CKAP5: variants seen among roughly 807,000 people sequenced by gnomAD.
CKAP5 encodes cytoskeleton-associated protein 5.
Under a neutral mutation model 232.8 loss-of-function variants are expected in CKAP5, and 27 were observed. The observed-to-expected ratio is 0.12, with a 90% CI of 0.09 to 0.16. The LOEUF (loss-of-function observed/expected upper bound fraction) is 0.16, where lower values mean the gene tolerates loss of function less well. CKAP5 is among the 10% of genes least tolerant of loss of function. CKAP5 has a pLI of 1.00. For missense variants in CKAP5, 1,838 were observed against 2,424.7 expected (o/e 0.76, Z 5.08); for synonymous variants, 785 against 841.1 (o/e 0.93, Z 1.16).
chr11:46,794,261 T>C (rs778419481), intron 13 of CKAP5, among the ~76,000 whole-genome samples: 3 of 151,704 alleles, frequency 2.0e-5, no homozygotes, highest in Non-Finnish European at 4.4e-5. Flanking sequence ...GTTTGAGACC[T>C]GCCTGGGCAA....
chr11:46,844,643 T>A (rs986515146), intron 1 of CKAP5, among the ~76,000 whole-genome samples: 70 of 152,108 alleles, frequency 4.6e-4, no homozygotes, highest in Non-Finnish European at 6.8e-4. Flanking sequence ...TTTTAAAAAA[T>A]TTTTTTTCTT....
At chr11:46,782,866 A>G (rs1391425611) in intron 18 of CKAP5, among the ~76,000 whole-genome samples, 1 of 152,262 alleles carries the variant, frequency 6.6e-6, no homozygotes, top group African/African-American at 2.4e-5. Context: ...CTATAAGCAA[A>G]TAAGTTTGGG....
intron 35 of CKAP5, among the ~76,000 whole-genome samples, chr11:46,756,564 A>G (rs1402583375): frequency 6.6e-6 from 1 of 152,192 alleles, no homozygotes; most frequent in Non-Finnish European, 1.5e-5. Context: ...CATCAACATC[A>G]AGAAATTAAC....
chr11:46,815,077 G>A (rs1035236506), intron 4 of CKAP5, among the ~76,000 whole-genome samples: 7 of 152,150 alleles, frequency 4.6e-5, no homozygotes, highest in African/African-American at 1.7e-4. Context: ...TTGAGAGGGA[G>A]TCTTGCTTTG....
At chr11:46,830,391 A>G (rs937449559) in intron 1 of CKAP5, among the ~76,000 whole-genome samples, 3 of 142,642 alleles carry the variant, frequency 2.1e-5, no homozygotes, top group Non-Finnish European at 4.5e-5. Flanking sequence ...CAGTGAGCCG[A>G]GATGGCACCA....
chr11:46,799,318 A>C lies in CKAP5; in HGVS notation c.1084-1146T>G, dbSNP rs187818299. On this transcript the variant is annotated intron_variant, in intron 9 of 43. Coordinates refer to ENST00000529230, the MANE Select transcript of CKAP5 (RefSeq NM_001008938.4). ...CACAGCAAAGCTCAATGGCATCCAA[A>C]AACAAGAAATAATTGTTTTCAAGAT... 1.8e-3 allele frequency among the ~76,000 whole-genome samples: 272 copies of C among 152,302 alleles called. 1 individual carries two copies. Among genetic ancestry groups the C allele is most frequent in the African/African-American group, 6.4e-3 (264 of 41,566 alleles).
chr11:46,808,809 C>CT (rs764005060), intron 7 of CKAP5, among the ~76,000 whole-genome samples: 1 of 152,180 alleles, frequency 6.6e-6, no homozygotes, highest in Non-Finnish European at 1.5e-5. Flanking sequence ...AATTTCTACA[C>CT]TGACAACATT....
At chr11:46,830,537 G>T (rs1289606810) in intron 1 of CKAP5, among the ~76,000 whole-genome samples, 1 of 151,894 alleles carries the variant, frequency 6.6e-6, no homozygotes, top group Non-Finnish European at 1.5e-5. Context: ...AAGAGGCAAG[G>T]AACAGATTCT....
intron 4 of CKAP5, among the ~76,000 whole-genome samples, chr11:46,814,594 A>G (rs1360779617): frequency 1.3e-5 from 2 of 152,224 alleles, no homozygotes; most frequent in African/African-American, 4.8e-5. Context: ...TCTGATATAG[A>G]CAGTACTTGG....
intron 1 of CKAP5, among the ~76,000 whole-genome samples, chr11:46,836,365 A>G (rs1939918318): frequency 6.6e-6 from 1 of 152,254 alleles, no homozygotes; most frequent in African/African-American, 2.4e-5. Context: ...CTCTTAAAAA[A>G]CTAACATTTA....
At chr11:46,810,267 T>C (rs1370990303) in intron 5 of CKAP5, among the ~76,000 whole-genome samples, 3 of 152,166 alleles carry the variant, frequency 2.0e-5, no homozygotes, top group Non-Finnish European at 4.4e-5. Flanking sequence ...CCACCGTGCC[T>C]GGCCTCTAAT....
intron 1 of CKAP5, among the ~76,000 whole-genome samples, chr11:46,844,612 C>A (rs556408585): frequency 6.6e-6 from 1 of 152,248 alleles, no homozygotes; most frequent in South Asian, 2.1e-4. Flanking sequence ...CCTTTGCTTG[C>A]CATTGCCTCA....
intron 13 of CKAP5, 85 bp from the exon 14 acceptor site, chr11:46,790,668 T>C (rs911276423): frequency 1.2e-5 from 11 of 919,430 alleles, no homozygotes; most frequent in Non-Finnish European, 1.3e-5. Context: ...TTTGAGACAG[T>C]GTCTCATATT....
intron 15 of CKAP5, among the ~76,000 whole-genome samples, chr11:46,789,572 G>A (rs1433946010): frequency 2.0e-5 from 3 of 152,114 alleles, no homozygotes; most frequent in South Asian, 2.1e-4. Context: ...TGAGGCGGGC[G>A]GATCACGAGG....
chr11:46,751,597 C>T, intron 38 of CKAP5, 63 bp from the exon 39 acceptor site: 18 of 1,369,374 alleles, frequency 1.3e-5, no homozygotes, highest in Non-Finnish European at 1.8e-5. Context: ...TGTCACCATT[C>T]ATCTTCCCTA....
At chr11:46,804,485 C>G (rs1361078918) in intron 8 of CKAP5, among the ~76,000 whole-genome samples, 1 of 152,142 alleles carries the variant, frequency 6.6e-6, no homozygotes, top group Non-Finnish European at 1.5e-5. Flanking sequence ...AGCTCATAAT[C>G]TCAATATAAT....
chr11:46,803,366 T>G (rs1247249756), intron 8 of CKAP5, among the ~76,000 whole-genome samples: 1 of 151,660 alleles, frequency 6.6e-6, no homozygotes, highest in Non-Finnish European at 1.5e-5. Context: ...CCTCCCAGGT[T>G]CAAGCGATCT....
rs1379834066 is a variant in CKAP5 at position 46,801,354 on chromosome 11, G to A, written c.979-50C>T. On this transcript the variant is annotated intron_variant, in intron 8 of 43. Coordinates refer to ENST00000529230, the MANE Select transcript of CKAP5 (RefSeq NM_001008938.4). Reference sequence around the variant, plus strand: ...ACAAAATAGTCACAGCCATGTAGAAGGGTATTGAAATTTTATTCTCAAAAG... The same window carrying A: ...ACAAAATAGTCACAGCCATGTAGAAAGGTATTGAAATTTTATTCTCAAAAG... The A allele has an allele frequency of 3.6e-6, 5 of 1,382,168 alleles. No individual in the cohort carries two copies. The African/African-American group carries it at 5.7e-5, about 16-fold the overall frequency. The allele number at this position is 1,382,168 out of a possible 1,614,324, so 85.6% of individuals were successfully genotyped here.
rs191379881 is a variant in CKAP5 at position 46,824,802 on chromosome 11, A to G, written c.-37-3534T>C. 2.8e-3 allele frequency among the ~76,000 whole-genome samples: 422 copies of G among 152,358 alleles called. 2 individuals carry two copies. The highest frequency in any genetic ancestry group is 9.6e-3 in the African/African-American group (400 of 41,582). ...GATATAAGAACCAAGTTTTTGCTAC[A>G]CAGTAGAGTTTGATGCCTAAAGAGC... On this transcript the variant is annotated intron_variant, in intron 1 of 43. Coordinates refer to ENST00000529230, the MANE Select transcript of CKAP5 (RefSeq NM_001008938.4).
Sources: allele counts gnomAD v4.1 joint callset (sites outside exome capture counted in the v4.1 genomes callset), GRCh38; gene constraint gnomAD v4.1.1; transcripts MANE v1.5; gene names NCBI Gene and HGNC (gene_info 2026-07-23, HGNC 2026-07-21).